PSD3: variants seen among roughly 807,000 people sequenced by gnomAD.
The protein encoded by PSD3 is PH and SEC7 domain-containing protein 3.
A neutral mutation model predicts 105.5 loss-of-function variants in PSD3; 49 were observed. That is an observed-to-expected ratio of 0.46 (90% CI 0.37 to 0.59). The LOEUF is 0.59. Among genes scored for constraint, PSD3 ranks in the 20% least tolerant of loss-of-function variants. The probability of loss-of-function intolerance (pLI) is 0.00; values close to 1 mark genes in which losing one functional copy is unlikely to be tolerated. For missense variants in PSD3, 1,561 were observed against 1,263.8 expected (o/e 1.24, Z -3.57); for synonymous variants, 557 against 457.8 (o/e 1.22, Z -2.77).
Position 18,543,630 on chromosome 8 carries a change from A to T in PSD3, c.2929-7672T>A, listed in dbSNP as rs540501818. Among the ~76,000 whole-genome samples the T allele has an allele frequency of 8.2e-3, 1,245 of 152,140 alleles. 16 individuals are homozygous for T. Among genetic ancestry groups the T allele is most frequent in the African/African-American group, 0.028 (1,174 of 41,518 alleles). On this transcript the variant is annotated intron_variant, in intron 15 of 15. Coordinates refer to ENST00000327040, the MANE Select transcript of PSD3 (RefSeq NM_015310.4). ...GAGACTCTCTCTCAAAAACAAAAAAAAAAACAACAACAAAAACAAAACTTC... is the reference window on the plus strand; with the variant it reads ...GAGACTCTCTCTCAAAAACAAAAAATAAAACAACAACAAAAACAAAACTTC...
intron 10 of PSD3, among the ~76,000 whole-genome samples, chr8:18,636,062 AT>A (rs1454693259): frequency 1.2e-4 from 18 of 152,282 alleles, no homozygotes; most frequent in African/African-American, 3.6e-4. Context: ...GTAAAATAAA[AT>A]AAAAAAGGCT....
intron 12 of PSD3, among the ~76,000 whole-genome samples, chr8:18,587,983 GTA>G (rs1304817089): frequency 6.6e-6 from 1 of 152,140 alleles, no homozygotes; most frequent in East Asian, 1.9e-4. Context: ...TGGGACATTA[GTA>G]ACTCCCTGTA....
At chr8:18,737,745 T>C (rs1804260801) in intron 9 of PSD3, among the ~76,000 whole-genome samples, 1 of 152,142 alleles carries the variant, frequency 6.6e-6, no homozygotes, top group Non-Finnish European at 1.5e-5. Context: ...TGTTCTCTGG[T>C]CTATTATCAC....
At chr8:18,773,150 G>T (rs1350401919) in intron 8 of PSD3, among the ~76,000 whole-genome samples, 1 of 152,082 alleles carries the variant, frequency 6.6e-6, no homozygotes, top group Admixed American at 6.6e-5. Context: ...ATAGTTTCAG[G>T]ATTACATTTA....
At chr8:18,926,614 AAGAC>A (rs761824836) in intron 2 of PSD3, among the ~76,000 whole-genome samples, 20 of 152,276 alleles carry the variant, frequency 1.3e-4, no homozygotes, top group African/African-American at 3.9e-4. Context: ...TTTAAAAAGA[AAGAC>A]AGAGAATAAC....
chr8:19,023,551 C>T (rs574893716), intron 1 of PSD3, among the ~76,000 whole-genome samples: 1 of 152,196 alleles, frequency 6.6e-6, no homozygotes, highest in Admixed American at 6.5e-5. Flanking sequence ...CCACCTCAGC[C>T]TCCTGAGTAG....
At chr8:18,952,974 G>A (rs946182567) in intron 1 of PSD3, among the ~76,000 whole-genome samples, 13 of 152,118 alleles carry the variant, frequency 8.5e-5, no homozygotes, top group African/African-American at 3.1e-4. Flanking sequence ...TCAACTGTGA[G>A]TAAACATCTG....
At chr8:18,724,984 G>T (rs1016472219) in intron 9 of PSD3, among the ~76,000 whole-genome samples, 1 of 152,090 alleles carries the variant, frequency 6.6e-6, no homozygotes, top group Non-Finnish European at 1.5e-5. Flanking sequence ...TCATGTAAAA[G>T]GATTTTAAAA....
intron 9 of PSD3, among the ~76,000 whole-genome samples, chr8:18,664,774 G>C (rs576741084): frequency 3.3e-4 from 50 of 152,304 alleles, no homozygotes; most frequent in African/African-American, 1.1e-3. Flanking sequence ...TCTCTTCTTA[G>C]GGGCAATGGG....
chr8:18,963,244 T>C (rs2129471295), intron 1 of PSD3, among the ~76,000 whole-genome samples: 1 of 152,252 alleles, frequency 6.6e-6, no homozygotes, highest in Non-Finnish European at 1.5e-5. Flanking sequence ...CACATGGGAA[T>C]TATGGGCATA....
intron 8 of PSD3, among the ~76,000 whole-genome samples, chr8:18,772,281 T>C (rs1042820255): frequency 6.6e-6 from 1 of 152,176 alleles, no homozygotes; most frequent in South Asian, 2.1e-4. Context: ...GATAGTTATA[T>C]TTCTCATTTT....
chr8:18,984,302 C>G (rs1456220967), intron 1 of PSD3, among the ~76,000 whole-genome samples: 1 of 151,910 alleles, frequency 6.6e-6, no homozygotes, highest in Non-Finnish European at 1.5e-5. Flanking sequence ...CATAACTGAA[C>G]TACACAATTC....
At chr8:18,595,421 G>C (rs1347021633) in intron 12 of PSD3, among the ~76,000 whole-genome samples, 1 of 140,704 alleles carries the variant, frequency 7.1e-6, no homozygotes, top group Non-Finnish European at 1.6e-5. Flanking sequence ...TCACAGCTGG[G>C]AGTGTGGTTG....
intron 10 of PSD3, among the ~76,000 whole-genome samples, chr8:18,634,104 A>G (rs1380134641): frequency 6.6e-6 from 1 of 151,988 alleles, no homozygotes; most frequent in African/African-American, 2.4e-5. Flanking sequence ...CCACTTTTTT[A>G]GTAAGGTTAT....
chr8:18,867,846 C>G lies in PSD3; in HGVS notation c.1462G>C (p.Glu488Gln). 1 of 1,614,208 alleles carries G rather than the reference C, an allele frequency of 6.2e-7. No individual in the cohort carries two copies. Among genetic ancestry groups the G allele is most frequent in the Non-Finnish European group, 8.5e-7 (1 of 1,180,036 alleles). ...LTPMIQQRIK[E>Q]GGQFLERTSG... Reference sequence around the variant, plus strand: ...GTCCTCTCCAAGAACTGACCACCTTCTTTAATGCGCTGTTGTATCATTGGA... The same window carrying G: ...GTCCTCTCCAAGAACTGACCACCTTGTTTAATGCGCTGTTGTATCATTGGA... Residue 488 changes from glutamate to glutamine, a missense_variant, in exon 4 of 16, where the codon GAA (glutamate) becomes CAA (glutamine). Transcript: ENST00000327040.
At chr8:18,761,719 A>G (rs1158144081) in intron 9 of PSD3, among the ~76,000 whole-genome samples, 1 of 152,212 alleles carries the variant, frequency 6.6e-6, no homozygotes, top group Admixed American at 6.5e-5. Context: ...CGAATGTTTT[A>G]CAAAATCTAT....
intron 2 of PSD3, among the ~76,000 whole-genome samples, chr8:18,935,773 G>A (rs1036400625): frequency 4.0e-5 from 6 of 151,498 alleles, no homozygotes; most frequent in African/African-American, 1.5e-4. Context: ...TATGAAAACT[G>A]GTTAATTCTT....
chr8:18,606,131 T>C (rs1264818000), intron 11 of PSD3, among the ~76,000 whole-genome samples: 1 of 152,322 alleles, frequency 6.6e-6, no homozygotes, highest in Admixed American at 6.5e-5. Flanking sequence ...TGTGTATTAT[T>C]TTGAAAAACC....
At chr8:18,941,595 C>G (rs1006684717) in intron 1 of PSD3, among the ~76,000 whole-genome samples, 1 of 151,936 alleles carries the variant, frequency 6.6e-6, no homozygotes, top group African/African-American at 2.4e-5. Context: ...TTCACGTTAT[C>G]CAACTCGCAA....
Sources: allele counts gnomAD v4.1 joint callset (sites outside exome capture counted in the v4.1 genomes callset), GRCh38; gene constraint gnomAD v4.1.1; transcripts MANE v1.5; gene names NCBI Gene and HGNC (gene_info 2026-07-23, HGNC 2026-07-21).